The following NAA16 variants were observed in gnomAD, a reference collection of about 807,000 sequenced individuals.
NAA16 encodes the protein NARG1-like protein.
A neutral mutation model predicts 110.3 loss-of-function variants in NAA16; 97 were observed. The observed-to-expected ratio is 0.88, with a 90% CI of 0.75 to 1.04. The LOEUF is 1.04. Among genes scored for constraint, NAA16 ranks in the 50% least tolerant of loss-of-function variants. The pLI is 0.00. For missense variants in NAA16, 1,017 were observed against 1,005.1 expected, an observed-to-expected ratio of 1.01 and a Z score of -0.16; for synonymous variants, 372 against 330.6, an observed-to-expected ratio of 1.13 and a Z score of -1.36.
chr13:41,345,820 C>T (rs533100196), intron 9 of NAA16, among the ~76,000 whole-genome samples: 2 of 152,312 alleles, frequency 1.3e-5, no homozygotes, highest in African/African-American at 4.8e-5. Flanking sequence ...GCAATCTGTT[C>T]GCCTCACCCT....
rs1382958562 is a variant in NAA16, at chr13:41,375,536, A to G, written c.2529A>G (p.Glu843=). Residue 843 remains glutamate (E), a synonymous_variant, in exon 20 of 20, where the codon GAA becomes GAG. Coordinates refer to ENST00000379406, the MANE Select transcript of NAA16 (RefSeq NM_024561.5). ...CTGCCTTCTTGCCTGCTGTGAATGAAGTCGACAATCCTAATGTGGCACTGA... is the reference window on the plus strand; with the variant it reads ...CTGCCTTCTTGCCTGCTGTGAATGAGGTCGACAATCCTAATGTGGCACTGA... ...FTSAFLPAVN[E]VDNPNVALNH... The G allele has an allele frequency of 6.2e-7, 1 of 1,613,996 alleles. No individual in the cohort carries two copies. Among genetic ancestry groups the G allele is most frequent in the Non-Finnish European group, 8.5e-7 (1 of 1,180,002 alleles).
chr13:41,315,391 G>A (rs2041780972), intron 1 of NAA16, among the ~76,000 whole-genome samples: 1 of 152,212 alleles, frequency 6.6e-6, no homozygotes, highest in African/African-American at 2.4e-5. Context: ...GTGGCTGCCA[G>A]GGAGAGATGT....
chr13:41,335,462 T>A (rs1229014359), intron 8 of NAA16, among the ~76,000 whole-genome samples: 2 of 152,206 alleles, frequency 1.3e-5, no homozygotes, highest in Non-Finnish European at 2.9e-5. Flanking sequence ...ACAATATTGT[T>A]AATTTCGTTG....
chr13:41,313,609 C>A (rs959801668), intron 1 of NAA16, among the ~76,000 whole-genome samples: 2 of 152,188 alleles, frequency 1.3e-5, no homozygotes, highest in Non-Finnish European at 2.9e-5. Flanking sequence ...CACATCCACA[C>A]AAACTGACCA....
chr13:41,311,373 A>G lies in NAA16; in HGVS notation c.-156A>G. ...TTCTCCATTGCCACCCGTGCCGAACAGCCAGGCTGCCCAATTGCAACTGTA... is the reference window on the plus strand; with the variant it reads ...TTCTCCATTGCCACCCGTGCCGAACGGCCAGGCTGCCCAATTGCAACTGTA... On this transcript the variant is annotated 5_prime_UTR_variant, in exon 1 of 20. Coordinates refer to ENST00000379406, the MANE Select transcript of NAA16 (RefSeq NM_024561.5). 2 of 668,414 alleles carry G rather than the reference A, an allele frequency of 3.0e-6. No homozygotes were observed. The highest frequency in any genetic ancestry group is 5.1e-6 in the Non-Finnish European group (2 of 391,626). The allele number at this position is 668,414 out of a possible 1,614,324, so 41.4% of individuals were successfully genotyped here.
In NAA16 at chr13:41,375,772, C is replaced by A. The variant is rs1199763063; in HGVS notation, c.*170C>A. 5 of 518,650 alleles carry A rather than the reference C, an allele frequency of 9.6e-6. No individual in the cohort carries two copies. The Admixed American group carries it at 1.8e-4, about 19-fold the overall frequency. The allele number at this position is 518,650 out of a possible 1,614,324, so 32.1% of individuals were successfully genotyped here. ...TTACCCGACCTGCCAATTTACATAA[C>A]CATCTGTTAAAATTACCTGTTTATT... On this transcript the variant is annotated 3_prime_UTR_variant, in exon 20 of 20. Coordinates refer to ENST00000379406, the MANE Select transcript of NAA16 (RefSeq NM_024561.5).
intron 15 of NAA16, 118 bp downstream of exon 15, chr13:41,369,401 T>G: frequency 9.5e-7 from 1 of 1,050,012 alleles, no homozygotes; most frequent in African/African-American, 1.6e-5. Flanking sequence ...TTTCAAGGTT[T>G]TTATAATAGC....
chr13:41,317,043 T>A (rs1344282546), intron 2 of NAA16, 113 bp downstream of exon 2: 1 of 697,092 alleles, frequency 1.4e-6, no homozygotes, highest in Non-Finnish European at 2.5e-6. Context: ...TCTATTAGAG[T>A]GCATAAATGT....
intron 13 of NAA16, chr13:41,362,534 G>A (rs1566295083): frequency 7.5e-6 from 3 of 401,332 alleles, no homozygotes; most frequent in Non-Finnish European, 1.4e-5. Context: ...GATCTGGTCC[G>A]CAGTCAGCCT....
At chr13:41,318,248 C>T (rs534497032) in intron 2 of NAA16, among the ~76,000 whole-genome samples, 3 of 151,528 alleles carry the variant, frequency 2.0e-5, no homozygotes, top group African/African-American at 7.3e-5. Context: ...TCTTGTTGCC[C>T]AGGCTGGAGT....
At chr13:41,358,685 A>G (rs1446679697) in intron 11 of NAA16, 125 bp from the exon 12 acceptor site, 12 of 1,436,580 alleles carry the variant, frequency 8.4e-6, no homozygotes, top group Middle Eastern at 2.6e-4. Flanking sequence ...TGTAATTTTG[A>G]TTTCTAAATA....
At chr13:41,311,817 C>T (rs1438572588) in intron 1 of NAA16, among the ~76,000 whole-genome samples, 1 of 152,228 alleles carries the variant, frequency 6.6e-6, no homozygotes, top group Non-Finnish European at 1.5e-5. Context: ...GCCTCACCCC[C>T]GCCGCGCTCT....
chr13:41,365,985 C>CTGTAT (rs2139509343), intron 13 of NAA16, among the ~76,000 whole-genome samples: 1 of 152,084 alleles, frequency 6.6e-6, no homozygotes, highest in Admixed American at 6.5e-5. Context: ...CCTTAGTTAA[C>CTGTAT]TGTATTGAAT....
chr13:41,352,257 G>T (rs150530309), intron 9 of NAA16, among the ~76,000 whole-genome samples: 2 of 152,014 alleles, frequency 1.3e-5, no homozygotes, highest in African/African-American at 4.8e-5. Flanking sequence ...CAGGAGGATG[G>T]CTTGAGCCTG....
chr13:41,354,100 C>T (rs185888309), intron 9 of NAA16, among the ~76,000 whole-genome samples: 1 of 152,212 alleles, frequency 6.6e-6, no homozygotes, highest in Non-Finnish European at 1.5e-5. Flanking sequence ...ATGTTCCTTA[C>T]TGTTAATGTA....
At chr13:41,329,235 A>G (rs2042171949) in intron 7 of NAA16, among the ~76,000 whole-genome samples, 1 of 152,076 alleles carries the variant, frequency 6.6e-6, no homozygotes, top group Non-Finnish European at 1.5e-5. Context: ...ACCTCTAAAT[A>G]TAAGAATTGG....
chr13:41,359,548 C>T (rs1457408793), intron 12 of NAA16, among the ~76,000 whole-genome samples: 1 of 152,100 alleles, frequency 6.6e-6, no homozygotes, highest in Non-Finnish European at 1.5e-5. Context: ...ACAGATTTCA[C>T]ACATATTTGG....
In NAA16 at chr13:41,376,992, A is replaced by G. The variant is rs1244523580; in HGVS notation, c.*1390A>G. 1.3e-5 allele frequency: 2 copies of G among 152,170 alleles called. No individual in the cohort carries two copies. Among genetic ancestry groups the G allele is most frequent in the African/African-American group, 4.8e-5 (2 of 41,434 alleles). The allele number at this position is 152,170 out of a possible 1,614,324, so 9.4% of individuals were successfully genotyped here. On this transcript the variant is annotated 3_prime_UTR_variant, in exon 20 of 20. Transcript: ENST00000379406. ...AAAAACTCGCTGTAAAATAATGCCA[A>G]CCTAGATAATGCTATAATAAATTAT... is the stretch of plus-strand genomic sequence containing the variant.
At chr13:41,350,620 G>GTTTTTTTTTTT (rs1447155454) in intron 9 of NAA16, among the ~76,000 whole-genome samples, 1 of 3,256 alleles carries the variant, frequency 3.1e-4, no homozygotes, top group Non-Finnish European at 7.0e-4. Context: ...TTTTTTTTTT[G>GTTTTTTTTTTT]TTTGTTTGTT....
Sources: gnomAD v4.1 joint callset for allele counts (sites outside exome capture counted in the v4.1 genomes callset) on GRCh38, gnomAD v4.1.1 for gene constraint, MANE v1.5 for transcripts, NCBI Gene and HGNC (gene_info 2026-07-23, HGNC 2026-07-21) for gene names.